The following SUPT3H variants were observed in gnomAD, a reference collection of about 807,000 sequenced individuals.
SUPT3H encodes the protein SPT3 homolog, SAGA and STAGA complex component.
SUPT3H carries 44 observed loss-of-function variants against 44.3 expected under a neutral mutation model. That is an observed-to-expected ratio of 0.99 (90% CI 0.78 to 1.28). The LOEUF is 1.28. Among genes scored for constraint, SUPT3H ranks in the 50% most tolerant of loss-of-function variants. The pLI is 0.00. For missense variants in SUPT3H, 380 were observed against 387.1 expected (o/e 0.98, Z 0.15); for synonymous variants, 124 against 125.6 (o/e 0.99, Z 0.09).
At chr6:45,299,961 A>ATATG (rs1781893854) in intron 2 of SUPT3H, among the ~76,000 whole-genome samples, 2 of 150,936 alleles carry the variant, frequency 1.3e-5, no homozygotes, top group East Asian at 2.0e-4. Context: ...ATATATATAT[A>ATATG]TGTGTGCACA....
chr6:44,863,895 C>T (rs1775066574), intron 10 of SUPT3H, among the ~76,000 whole-genome samples: 1 of 151,926 alleles, frequency 6.6e-6, no homozygotes, highest in African/African-American at 2.4e-5. Flanking sequence ...GATCTCGTGA[C>T]ACTTATTCAC....
chr6:44,997,456 T>C (rs898643395), intron 6 of SUPT3H, among the ~76,000 whole-genome samples: 8 of 151,842 alleles, frequency 5.3e-5, no homozygotes, highest in Non-Finnish European at 1.0e-4. Flanking sequence ...AATTCTACTA[T>C]TGAATATTAC....
chr6:45,183,492 CAAGAGAGGGAGCAA>C (rs1813640110), intron 2 of SUPT3H, among the ~76,000 whole-genome samples: 1 of 152,100 alleles, frequency 6.6e-6, no homozygotes, highest in Non-Finnish European at 1.5e-5. Context: ...CATCACAAGG[CAAGAGAGGGAGCAA>C]AAGAGAGAAG....
intron 3 of SUPT3H, among the ~76,000 whole-genome samples, chr6:45,022,365 TATG>T (rs1196367778): frequency 6.6e-6 from 1 of 151,240 alleles, no homozygotes; most frequent in African/African-American, 2.4e-5. Flanking sequence ...CCAGGATAAG[TATG>T]ATAATAGAAA....
At chr6:45,015,413 T>C (rs1446096418) in intron 4 of SUPT3H, among the ~76,000 whole-genome samples, 2 of 152,116 alleles carry the variant, frequency 1.3e-5, no homozygotes, top group African/African-American at 2.4e-5. Context: ...ATACCATGAA[T>C]GAAGCTTGTA....
At chr6:45,014,070 C>T (rs9472423) in intron 5 of SUPT3H, among the ~76,000 whole-genome samples, 243 of 152,100 alleles carry the variant, frequency 1.6e-3, no homozygotes, top group African/African-American at 3.7e-3. Flanking sequence ...ACTCTGCCAT[C>T]CTTACATAGC....
In SUPT3H at chr6:45,105,905, A is replaced by AC; in HGVS notation, c.186+16_186+17insG. 1 of 1,597,256 alleles carries AC rather than the reference A, an allele frequency of 6.3e-7. No homozygotes were observed. The highest frequency in any genetic ancestry group is 8.6e-7 in the Non-Finnish European group (1 of 1,167,716). On this transcript the variant is annotated intron_variant, in intron 3 of 10. Transcript: ENST00000371459. The stretch of plus-strand genomic sequence containing the variant: ...ATGCAGAGAAGAGAAACCAAATCAA[A>AC]TTATATATGCTCTTACCAGATTAAT...
intron 10 of SUPT3H, among the ~76,000 whole-genome samples, chr6:44,834,921 C>T (rs1181213879): frequency 6.6e-6 from 1 of 152,082 alleles, no homozygotes; most frequent in Non-Finnish European, 1.5e-5. Flanking sequence ...ATGTCCGAAA[C>T]AATATAGCTG....
chr6:45,376,235 T>A (rs149920863), intron 1 of SUPT3H, among the ~76,000 whole-genome samples: 118 of 152,328 alleles, frequency 7.7e-4, no homozygotes, highest in African/African-American at 2.8e-3. Flanking sequence ...TGAACTGCAG[T>A]ATTTGAATGA....
intron 9 of SUPT3H, among the ~76,000 whole-genome samples, chr6:44,948,015 T>C (rs1773631325): frequency 6.6e-6 from 1 of 152,192 alleles, no homozygotes; most frequent in Non-Finnish European, 1.5e-5. Flanking sequence ...GCTTTCTACA[T>C]ATGGCTAGCC....
intron 10 of SUPT3H, among the ~76,000 whole-genome samples, chr6:44,890,543 G>T (rs1460704361): frequency 6.7e-6 from 1 of 148,182 alleles, no homozygotes; most frequent in African/African-American, 2.5e-5. Flanking sequence ...CTCACTCATA[G>T]GTGGGAATTG....
rs906498684 is a variant in SUPT3H, at chr6:45,204,664, C to T, written c.102-98658G>A. ...GGGGAAAAGTTTGAAAACCTCTATG[C>T]TGAAAAATTTCCAAATCTTGATGCA... is the stretch of plus-strand genomic sequence containing the variant. On this transcript the variant is annotated intron_variant, in intron 2 of 10. Transcript: ENST00000371459. Among the ~76,000 whole-genome samples the T allele has an allele frequency of 3.9e-5, 6 of 152,162 alleles. No individual in the cohort carries two copies. In the South Asian group the frequency reaches 1.2e-3, roughly 31 times the overall value.
chr6:45,265,710 G>GA (rs1775135013), intron 2 of SUPT3H, among the ~76,000 whole-genome samples: 1 of 151,912 alleles, frequency 6.6e-6, no homozygotes, highest in Non-Finnish European at 1.5e-5. Flanking sequence ...ACATGGCCAA[G>GA]AAAAAATATC....
intron 2 of SUPT3H, among the ~76,000 whole-genome samples, chr6:45,222,809 G>A (rs1766282498): frequency 6.6e-6 from 1 of 151,960 alleles, no homozygotes; most frequent in African/African-American, 2.4e-5. Flanking sequence ...TCCTTCAATG[G>A]GTGACTATTA....
intron 2 of SUPT3H, among the ~76,000 whole-genome samples, chr6:45,264,471 C>T (rs186098446): frequency 2.6e-5 from 4 of 152,104 alleles, no homozygotes; most frequent in Admixed American, 1.3e-4. Flanking sequence ...ACCAGCCTGG[C>T]CAACATGGTG....
chr6:45,092,257 G>C (rs991549507), intron 3 of SUPT3H, among the ~76,000 whole-genome samples: 6 of 151,934 alleles, frequency 3.9e-5, no homozygotes, highest in African/African-American at 1.5e-4. Context: ...AATACATTCT[G>C]GGTACTGAGC....
At chr6:44,930,053 G>C (rs967737586) in intron 10 of SUPT3H, among the ~76,000 whole-genome samples, 1 of 151,922 alleles carries the variant, frequency 6.6e-6, no homozygotes, top group South Asian at 2.1e-4. Context: ...TTCAAGGCCA[G>C]CCTGGCCAAC....
intron 5 of SUPT3H, among the ~76,000 whole-genome samples, chr6:45,011,653 TA>T (rs1327688483): frequency 1.3e-5 from 2 of 152,114 alleles, no homozygotes; most frequent in Non-Finnish European, 2.9e-5. Context: ...AAATCAATTT[TA>T]AAAAGGAAAT....
intron 10 of SUPT3H, among the ~76,000 whole-genome samples, chr6:44,837,262 A>G (rs1770090486): frequency 6.6e-6 from 1 of 152,226 alleles, no homozygotes; most frequent in Non-Finnish European, 1.5e-5. Flanking sequence ...TGAGTAACCT[A>G]TAACCTCCAG....
Sources: gnomAD v4.1 joint callset for allele counts (sites outside exome capture counted in the v4.1 genomes callset) on GRCh38, gnomAD v4.1.1 for gene constraint, MANE v1.5 for transcripts, NCBI Gene and HGNC (gene_info 2026-07-23, HGNC 2026-07-21) for gene names.